Variants in STX17 observed in about 807,000 individuals in gnomAD.
The protein encoded by STX17 is syntaxin 17.
In STX17, 29 loss-of-function variants were observed where a neutral mutation model predicts 35.9. The observed-to-expected ratio is 0.81, with a 90% CI of 0.60 to 1.10. The LOEUF (loss-of-function observed/expected upper bound fraction) is 1.10. Among genes scored for constraint, STX17 ranks in the 50% least tolerant of loss-of-function variants. The pLI is 0.00. For synonymous variants in STX17, 92 were observed against 118.3 expected (o/e 0.78, Z 1.44); for missense variants, 312 against 352.3 (o/e 0.89, Z 0.92).
intron 1 of STX17, among the ~76,000 whole-genome samples, chr9:99,908,887 G>C (rs563987881): frequency 5.9e-5 from 9 of 152,144 alleles, no homozygotes; most frequent in Non-Finnish European, 1.3e-4. Context: ...TTCTGTATTT[G>C]TCTATCCATA....
At chr9:99,963,710 G>A (rs1413928983) in intron 6 of STX17, among the ~76,000 whole-genome samples, 1 of 152,018 alleles carries the variant, frequency 6.6e-6, no homozygotes, top group African/African-American at 2.4e-5. Flanking sequence ...TTTTAGTACT[G>A]GAATTCCTTC....
chr9:99,916,913 A>C (rs960183475), intron 2 of STX17, among the ~76,000 whole-genome samples: 2 of 152,170 alleles, frequency 1.3e-5, no homozygotes, highest in African/African-American at 4.8e-5. Context: ...CTATACAAAA[A>C]TGCCTGCTGT....
chr9:99,963,006 A>G (rs1829856511), intron 6 of STX17, among the ~76,000 whole-genome samples: 1 of 152,206 alleles, frequency 6.6e-6, no homozygotes, highest in Non-Finnish European at 1.5e-5. Context: ...GCACTGTGCT[A>G]AGCTTAATGA....
chr9:99,932,205 C>A (rs978007806), intron 3 of STX17, among the ~76,000 whole-genome samples: 2 of 152,036 alleles, frequency 1.3e-5, no homozygotes, highest in African/African-American at 4.8e-5. Context: ...CATCTGTGGT[C>A]CTCTTGAATT....
chr9:99,973,054 G>A lies in STX17; in HGVS notation c.*4381G>A, dbSNP rs1830045179. Among the ~76,000 whole-genome samples, 1 of 151,982 alleles carries A rather than the reference G, an allele frequency of 6.6e-6. No individual in the cohort carries two copies. The highest frequency in any genetic ancestry group is 2.1e-4 in the South Asian group (1 of 4,812). On this transcript the variant is annotated 3_prime_UTR_variant, in exon 8 of 8. Coordinates refer to ENST00000259400, the MANE Select transcript of STX17 (RefSeq NM_017919.3). ...ATTAATACTTTATTGTTTTTAACAG[G>A]TGGTTCTCATAATTTACATTCATTA...
At chr9:99,945,091 G>A (rs1268975034) in intron 3 of STX17, among the ~76,000 whole-genome samples, 1 of 151,838 alleles carries the variant, frequency 6.6e-6, no homozygotes, top group Non-Finnish European at 1.5e-5. Context: ...ACCTTGTTTG[G>A]TATAATGTTC....
At chr9:99,951,970 T>A (rs1829609308) in intron 4 of STX17, among the ~76,000 whole-genome samples, 1 of 152,080 alleles carries the variant, frequency 6.6e-6, no homozygotes, top group African/African-American at 2.4e-5. Context: ...AATTGTTTAC[T>A]AGAAAGCTTA....
rs1233719513 is a variant in STX17, at chr9:99,968,848, G to A, written c.*175G>A. On this transcript the variant is annotated 3_prime_UTR_variant, in exon 8 of 8. Coordinates refer to ENST00000259400, the MANE Select transcript of STX17 (RefSeq NM_017919.3). ...TTTGTTGTTTGCTGGGGTGTTCATG[G>A]AGATGTTAAGAGATTGAGGCCCTGG... The A allele has an allele frequency of 1.1e-6, 1 of 928,156 alleles. No individual in the cohort carries two copies. The highest frequency in any genetic ancestry group is 1.5e-6 in the Non-Finnish European group (1 of 652,998). 57.5% of individuals were successfully genotyped at this position (928,156 alleles called of 1,614,324 possible).
intron 3 of STX17, among the ~76,000 whole-genome samples, chr9:99,944,249 A>C (rs1466897016): frequency 1.3e-5 from 2 of 151,892 alleles, no homozygotes; most frequent in African/African-American, 4.8e-5. Context: ...CCAAAAATCT[A>C]GTTTTGGCTT....
intron 3 of STX17, among the ~76,000 whole-genome samples, chr9:99,939,869 A>T (rs952118063): frequency 2.0e-5 from 3 of 152,238 alleles, no homozygotes; most frequent in African/African-American, 7.2e-5. Context: ...ATCATCTGCC[A>T]ACACTGCACC....
intron 4 of STX17, among the ~76,000 whole-genome samples, chr9:99,954,361 A>T (rs1829666397): frequency 6.6e-6 from 1 of 152,030 alleles, no homozygotes; most frequent in African/African-American, 2.4e-5. Flanking sequence ...AGCAATTAAA[A>T]AACTACTGTC....
At chr9:99,923,851 G>A (rs1030777833) in intron 2 of STX17, among the ~76,000 whole-genome samples, 2 of 152,138 alleles carry the variant, frequency 1.3e-5, no homozygotes, top group Non-Finnish European at 2.9e-5. Context: ...GATATTACAA[G>A]GGATACAGCT....
rs1587921107 is a variant in STX17, at chr9:99,931,522, T to A, written c.189+2679T>A. Among the ~76,000 whole-genome samples, 4 of 151,678 alleles carry A rather than the reference T, an allele frequency of 2.6e-5. No homozygotes were observed. In the East Asian group the frequency reaches 7.7e-4, roughly 29 times the overall value. The stretch of plus-strand genomic sequence containing the variant: ...TTTTTTTTTTCTTTAATTCTAAAGG[T>A]CCGCAAACTGATTCAGAGGCTATGT... On this transcript the variant is annotated intron_variant, in intron 3 of 7. Transcript: ENST00000259400.
In STX17 at chr9:99,908,254, T is replaced by TGG. The variant is rs36009095; in HGVS notation, c.-63+1554_-63+1555dup. On this transcript the variant is annotated intron_variant, in intron 1 of 7. Coordinates refer to ENST00000259400, the MANE Select transcript of STX17 (RefSeq NM_017919.3). The stretch of plus-strand genomic sequence containing the variant: ...ATTTTTCTCCTTATAATTGACATCT[T>TGG]GGGGGGGAGCTTTTAAACCGTACGC... Among the ~76,000 whole-genome samples, 13 of 152,086 alleles carry TGG rather than the reference T, an allele frequency of 8.5e-5. No homozygotes were observed. In the South Asian group the frequency reaches 1.7e-3, roughly 19 times the overall value.
At chr9:99,921,313 TC>T (rs1378086611) in intron 2 of STX17, among the ~76,000 whole-genome samples, 1 of 152,182 alleles carries the variant, frequency 6.6e-6, no homozygotes, top group Non-Finnish European at 1.5e-5. Context: ...TTAAATGAAT[TC>T]CATAAGACTT....
chr9:99,930,023 CTG>C (rs1829083615), intron 3 of STX17: 1 of 149,604 alleles, frequency 6.7e-6, no homozygotes, highest in Non-Finnish European at 1.5e-5. Flanking sequence ...AGCAATTCTC[CTG>C]CCTCAGCCTC....
chr9:99,917,731 G>A (rs1828803512), intron 2 of STX17, among the ~76,000 whole-genome samples: 1 of 152,212 alleles, frequency 6.6e-6, no homozygotes, highest in Non-Finnish European at 1.5e-5. Flanking sequence ...TAGTAGGAAT[G>A]ACAAGATAGT....
chr9:99,910,005 G>T (rs1288943463), intron 1 of STX17, among the ~76,000 whole-genome samples: 1 of 152,176 alleles, frequency 6.6e-6, no homozygotes. Context: ...GGCCGAGGCA[G>T]GTGGATCACC....
chr9:99,914,188 GAC>G (rs1409743162), intron 1 of STX17: 1 of 152,152 alleles, frequency 6.6e-6, no homozygotes, highest in Non-Finnish European at 1.5e-5. Context: ...CCTGGACTAA[GAC>G]AGCATAACTC....
Sources: allele counts gnomAD v4.1 joint callset (sites outside exome capture counted in the v4.1 genomes callset), GRCh38; gene constraint gnomAD v4.1.1; transcripts MANE v1.5; gene names NCBI Gene and HGNC (gene_info 2026-07-23, HGNC 2026-07-21).